The following DEFB121 variants were observed in gnomAD, a reference collection of about 807,000 sequenced individuals.
The protein encoded by DEFB121 is beta-defensin 121.
A neutral mutation model predicts 2.5 loss-of-function variants in DEFB121; 5 were observed. That is an observed-to-expected ratio of 1.96 (90% CI 1.03 to 4.13). The LOEUF is 4.13. DEFB121 is among the 30% of genes most tolerant of loss of function. DEFB121 has a pLI of 0.00. For missense variants in DEFB121, 87 were observed against 85.0 expected (o/e 1.02, Z -0.09); for synonymous variants, 39 against 32.6 (o/e 1.20, Z -0.67).
chr20:31,408,878 T>C (rs748470292), upstream of DEFB121, among the ~76,000 whole-genome samples: 2 of 151,918 alleles, frequency 1.3e-5, no homozygotes, highest in African/African-American at 2.4e-5. Flanking sequence ...ATACAAAAAT[T>C]AGCCATGTGG....
upstream of DEFB121, among the ~76,000 whole-genome samples, chr20:31,409,081 C>T (rs183948200): frequency 6.6e-6 from 1 of 151,572 alleles, no homozygotes; most frequent in Admixed American, 6.6e-5. Context: ...GAGTTTGAGA[C>T]CAGCCTGGAT....
At chr20:31,405,566 A>C (rs1030964037) in intron 1 of DEFB121, among the ~76,000 whole-genome samples, 8 of 152,182 alleles carry the variant, frequency 5.3e-5, no homozygotes, top group Admixed American at 2.0e-4. Flanking sequence ...AGAATATCAT[A>C]CTGCCTTCTT....
At chr20:31,412,975 A>G (rs751367144), upstream of DEFB121, 24 of 214,586 alleles carry the variant, frequency 1.1e-4, no homozygotes, top group African/African-American at 5.2e-4. Flanking sequence ...CCCTCCCAAG[A>G]TCTCTTCACT....
chr20:31,410,000 T>A (rs1978612493), upstream of DEFB121, among the ~76,000 whole-genome samples: 1 of 152,084 alleles, frequency 6.6e-6, no homozygotes, highest in Non-Finnish European at 1.5e-5. Context: ...GATGTCAAAA[T>A]TCATCAAAAT....
At chr20:31,405,839 T>C (rs908001792) in intron 1 of DEFB121, among the ~76,000 whole-genome samples, 1 of 152,238 alleles carries the variant, frequency 6.6e-6, no homozygotes, top group Non-Finnish European at 1.5e-5. Flanking sequence ...CTTTACACCC[T>C]ATCCCATCCT....
chr20:31,412,774 T>C, exon 1 of DEFB121: 1 of 922,936 alleles, frequency 1.1e-6, no homozygotes, highest in South Asian at 1.5e-5. Context: ...ATCTTCAAGT[T>C]TGAAAATTGC....
At chr20:31,416,322 A>G (rs946722102), upstream of DEFB121, among the ~76,000 whole-genome samples, 3 of 152,150 alleles carry the variant, frequency 2.0e-5, no homozygotes, top group Non-Finnish European at 4.4e-5. Flanking sequence ...TGGCCTCCCA[A>G]AGTGCTGAGA....
upstream of DEFB121, among the ~76,000 whole-genome samples, chr20:31,417,311 C>G (rs1256526086): frequency 6.6e-6 from 1 of 151,998 alleles, no homozygotes; most frequent in Non-Finnish European, 1.5e-5. Flanking sequence ...CACCCCTGCA[C>G]TCCAGCCTGG....
At chr20:31,413,730 T>A (rs568805079), upstream of DEFB121, among the ~76,000 whole-genome samples, 1 of 152,186 alleles carries the variant, frequency 6.6e-6, no homozygotes, top group East Asian at 1.9e-4. Context: ...CATGGCTCCA[T>A]CCAACCACAA....
upstream of DEFB121, chr20:31,412,891 A>C: frequency 3.9e-6 from 1 of 258,094 alleles, no homozygotes; most frequent in Non-Finnish European, 7.7e-6. Context: ...CACTGGTGAA[A>C]GATAACAGAG....
chr20:31,418,477 A>G, the DEFB121 span, among the ~76,000 whole-genome samples: 18 of 152,154 alleles, frequency 1.2e-4, no homozygotes, highest in African/African-American at 4.3e-4. Context: ...GAAACAGGGA[A>G]GAGGCACCAA....
upstream of DEFB121, among the ~76,000 whole-genome samples, chr20:31,407,155 C>A (rs572146640): frequency 6.6e-6 from 1 of 152,186 alleles, no homozygotes; most frequent in Non-Finnish European, 1.5e-5. Context: ...GAGGCTGAAG[C>A]AGGAGACTAG....
At chr20:31,418,268 A>AAAAAAAAAC in the DEFB121 span, among the ~76,000 whole-genome samples, 1 of 89,560 alleles carries the variant, frequency 1.1e-5, no homozygotes, top group African/African-American at 6.0e-5. Context: ...TCAAAAAAAA[A>AAAAAAAAAC]AAAAAAAAAA....
chr20:31,414,103 A>G (rs6088146), upstream of DEFB121, among the ~76,000 whole-genome samples: 65,909 of 152,018 alleles, frequency 0.43, 16,833 homozygotes, highest in East Asian at 0.74. Flanking sequence ...GCTACTCAGG[A>G]GGCTGAGGCA....
chr20:31,411,144 A>T (rs765117785), upstream of DEFB121, among the ~76,000 whole-genome samples: 10 of 152,246 alleles, frequency 6.6e-5, no homozygotes, highest in Admixed American at 1.3e-4. Context: ...CTCATAAAAG[A>T]CCCTTTTCCT....
chr20:31,413,710 A>G (rs1013732582), upstream of DEFB121, among the ~76,000 whole-genome samples: 4 of 152,174 alleles, frequency 2.6e-5, no homozygotes, highest in African/African-American at 7.2e-5. Flanking sequence ...TCCACTGGCT[A>G]CGACAGTGAC....
At chr20:31,416,397 C>G (rs1467384733), upstream of DEFB121, among the ~76,000 whole-genome samples, 1 of 152,150 alleles carries the variant, frequency 6.6e-6, no homozygotes, top group East Asian at 1.9e-4. Context: ...CTACTTTGAT[C>G]TGTTTGATAT....
At chr20:31,417,255 G>T (rs1978832323), upstream of DEFB121, among the ~76,000 whole-genome samples, 2 of 152,114 alleles carry the variant, frequency 1.3e-5, no homozygotes, top group South Asian at 4.1e-4. Flanking sequence ...TGAGGCAGAA[G>T]AATTGCTTGA....
intron 1 of DEFB121, among the ~76,000 whole-genome samples, chr20:31,411,806 C>A (rs916013592): frequency 6.6e-6 from 1 of 152,210 alleles, no homozygotes; most frequent in African/African-American, 2.4e-5. Context: ...AAGTCCAATT[C>A]AGTGTACTCA....
Sources: gnomAD v4.1 joint callset for allele counts (sites outside exome capture counted in the v4.1 genomes callset) on GRCh38, gnomAD v4.1.1 for gene constraint, MANE v1.5 for transcripts, NCBI Gene and HGNC (gene_info 2026-07-23, HGNC 2026-07-21) for gene names.